The following SF3B1 variants were observed in gnomAD, a reference collection of about 807,000 sequenced individuals.
The protein encoded by SF3B1 is splicing factor 3b subunit 1, also known as pre-mRNA processing 10.
SF3B1 carries 12 observed loss-of-function variants against 153.8 expected under a neutral mutation model. The observed-to-expected ratio is 0.08, with a 90% CI of 0.05 to 0.13. The LOEUF (loss-of-function observed/expected upper bound fraction) is 0.13, where lower values mean the gene tolerates loss of function less well. Ranked by LOEUF, SF3B1 falls within the 10% of genes least tolerant of loss-of-function variation. The probability of loss-of-function intolerance (pLI) is 1.00; values close to 1 mark genes in which losing one functional copy is unlikely to be tolerated. For missense variants in SF3B1, 513 were observed against 1,606.1 expected, an observed-to-expected ratio of 0.32 and a Z score of 11.63; for synonymous variants, 498 against 525.2, an observed-to-expected ratio of 0.95 and a Z score of 0.71.
At chr2:197,415,981 ATTTTTTT>A (rs35479143) in intron 6 of SF3B1, among the ~76,000 whole-genome samples, 3 of 136,404 alleles carry the variant, frequency 2.2e-5, no homozygotes, top group East Asian at 2.1e-4. Context: ...TGCCCAGCTA[ATTTTTTT>A]TTTTTTTTTT....
chr2:197,413,954 C>T (rs2085109719), intron 6 of SF3B1, among the ~76,000 whole-genome samples: 1 of 151,126 alleles, frequency 6.6e-6, no homozygotes, highest in South Asian at 2.1e-4. Flanking sequence ...TTACAGGTGC[C>T]CGCCAACATG....
intron 11 of SF3B1, 76 bp from the exon 12 acceptor site, chr2:197,403,840 G>T: frequency 4.7e-6 from 5 of 1,066,724 alleles, no homozygotes; most frequent in Non-Finnish European, 6.7e-6. Context: ...ACTCAAAGAA[G>T]ATTTTCCATA....
intron 1 of SF3B1, among the ~76,000 whole-genome samples, chr2:197,432,818 AT>A (rs2085461552): frequency 6.6e-6 from 1 of 152,184 alleles, no homozygotes; most frequent in African/African-American, 2.4e-5. Flanking sequence ...GTGAGCCGAG[AT>A]TGCACCACTG....
chr2:197,434,118 A>G (rs1392286754), intron 1 of SF3B1, among the ~76,000 whole-genome samples: 1 of 152,224 alleles, frequency 6.6e-6, no homozygotes, highest in Non-Finnish European at 1.5e-5. Context: ...AAAGTGACTT[A>G]GAAGTCTCGT....
At chr2:197,425,061 A>T (rs1472137550) in intron 1 of SF3B1, among the ~76,000 whole-genome samples, 1 of 152,222 alleles carries the variant, frequency 6.6e-6, no homozygotes, top group African/African-American at 2.4e-5. Flanking sequence ...CAGGAGGCTG[A>T]GGCAGAACTG....
chr2:197,418,040 A>G (rs968507236), intron 5 of SF3B1, among the ~76,000 whole-genome samples: 1 of 151,802 alleles, frequency 6.6e-6, no homozygotes, highest in African/African-American at 2.4e-5. Context: ...GTTTGAGACC[A>G]GCCTGGCCAA....
At chr2:197,417,162 G>A (rs937204251) in intron 5 of SF3B1, among the ~76,000 whole-genome samples, 1 of 152,156 alleles carries the variant, frequency 6.6e-6, no homozygotes, top group Non-Finnish European at 1.5e-5. Flanking sequence ...TTATATACTG[G>A]AGGTGAAGTA....
At position 197,401,938 on chromosome 2, in the gene SF3B1, G is replaced by T. The variant is rs369358283; in HGVS notation, c.2223+47C>A. ...TACTTTAGTAATTTAGATTTATGTC[G>T]CCTTAACTTTAATGAAGATAAATCA... On this transcript the variant is annotated intron_variant, in intron 15 of 24. Coordinates refer to ENST00000335508, the MANE Select transcript of SF3B1 (RefSeq NM_012433.4). This position sits in a 1 kb window ranked among gnomAD's most constrained non-coding sequence, Gnocchi z 4.2. 1.3e-6 allele frequency: 2 copies of T among 1,595,148 alleles called. No individual in the cohort carries two copies.
chr2:197,425,383 A>G (rs2085317450), intron 1 of SF3B1, among the ~76,000 whole-genome samples: 1 of 152,068 alleles, frequency 6.6e-6, no homozygotes, highest in Non-Finnish European at 1.5e-5. Context: ...GGAGAATCAC[A>G]TGAACCCGGA....
In SF3B1 at chr2:197,402,523, A is replaced by C. The variant is rs760673135; in HGVS notation, c.2077+33T>G. 1.9e-6 allele frequency: 3 copies of C among 1,591,878 alleles called. No homozygotes were observed. The highest frequency in any genetic ancestry group is 2.6e-6 in the Non-Finnish European group (3 of 1,168,242). On this transcript the variant is annotated intron_variant, in intron 14 of 24. Transcript: ENST00000335508. The surrounding 1 kb of genome is among the most constrained non-coding windows in gnomAD (Gnocchi z 4.6). ...AGTAAGACCCTGTCTCCTAAAGAAAAAAAAAAAAAGACAAAGTTACATTAC... is the reference window on the plus strand; with the variant it reads ...AGTAAGACCCTGTCTCCTAAAGAAACAAAAAAAAAGACAAAGTTACATTAC...
At chr2:197,407,972 C>A in intron 9 of SF3B1, 26 bp downstream of exon 9, 3 of 1,598,736 alleles carry the variant, frequency 1.9e-6, no homozygotes, top group Non-Finnish European at 2.6e-6. Flanking sequence ...TCCTAAATAC[C>A]ACCTCATTCA....
At chr2:197,395,960 T>C (rs1461095299) in intron 23 of SF3B1, 96 bp downstream of exon 23, 10 of 1,086,880 alleles carry the variant, frequency 9.2e-6, no homozygotes, top group African/African-American at 7.9e-5. Flanking sequence ...TCTTTAACTA[T>C]GTTACAGTAA....
At position 197,392,576 on chromosome 2, in the gene SF3B1, G is replaced by GGC; in HGVS notation, c.3757-116_3757-115insGC. On this transcript the variant is annotated intron_variant, in intron 24 of 24. Transcript: ENST00000335508. ...ATTATTTCCCTTGGGGAGTTGGGGG[G>GGC]GGGGGAACCTACTAATTACACTGCT... 3.2e-5 allele frequency: 10 copies of GGC among 314,834 alleles called. 2 individuals carry two copies. Among genetic ancestry groups the GGC allele is most frequent in the South Asian group, 2.6e-4 (9 of 34,570 alleles). The allele number at this position is 314,834 out of a possible 1,614,324, so 19.5% of individuals were successfully genotyped here.
intron 1 of SF3B1, among the ~76,000 whole-genome samples, chr2:197,427,359 G>A (rs1342796251): frequency 1.3e-5 from 2 of 152,162 alleles, no homozygotes; most frequent in Non-Finnish European, 2.9e-5. Flanking sequence ...ACAGCTTAAT[G>A]GGCTTTGTTA....
chr2:197,418,913 T>C, intron 4 of SF3B1: 1 of 1,598,964 alleles, frequency 6.3e-7, no homozygotes. Context: ...TGCCTTTGTC[T>C]CCATCAGCAG....
chr2:197,412,774 T>C (rs35157131), intron 6 of SF3B1, among the ~76,000 whole-genome samples: 106,388 of 150,066 alleles, frequency 0.71, 38,392 homozygotes, highest in Middle Eastern at 0.87. Flanking sequence ...CACCTGAGGT[T>C]GGGAGTTTGA....
intron 7 of SF3B1, among the ~76,000 whole-genome samples, chr2:197,409,127 C>T (rs527245375): frequency 2.0e-5 from 3 of 152,178 alleles, no homozygotes; most frequent in Admixed American, 6.5e-5. Context: ...GGGCCGGAAG[C>T]GGTGGCTCAT....
Position 197,392,315 on chromosome 2 carries a change from G to A in SF3B1, c.3903C>T (p.Asp1301=), listed in dbSNP as rs2084818125. The A allele has an allele frequency of 6.0e-6, 7 of 1,158,662 alleles. No individual in the cohort carries two copies. Among genetic ancestry groups the A allele is most frequent in the Non-Finnish European group, 9.1e-6 (7 of 770,338 alleles). 71.8% of individuals were successfully genotyped at this position (1,158,662 alleles called of 1,614,324 possible). ...DKNTYIRYEL[D]YIL ...ATAAACAATAAAATTATAAGATATA[G>A]TCAAGTTCATAACGAATATAGGTGT... is the stretch of plus-strand genomic sequence containing the variant. The change falls in exon 25 of 25, where the codon GAC becomes GAT. Residue 1301 remains aspartate, a synonymous_variant. Coordinates refer to ENST00000335508, the MANE Select transcript of SF3B1 (RefSeq NM_012433.4).
rs2085043203 is a variant in SF3B1, at chr2:197,409,880, G to A, written c.794C>T (p.Ala265Val). ...DPTPSHTPAG[A>V]ATPGRGDTPG... Reference sequence around the variant, plus strand: ...TGTATCACCTCGTCCAGGAGTAGCAGCTCCCGCTGGTGTGTGGCTAGGTGT... The same window carrying A: ...TGTATCACCTCGTCCAGGAGTAGCAACTCCCGCTGGTGTGTGGCTAGGTGT... The change falls in exon 7 of 25, where the codon GCT becomes GTT. Residue 265 changes from alanine to valine, a missense_variant. Ala to Val is a moderately conservative substitution (Grantham distance 64). Coordinates refer to ENST00000335508, the MANE Select transcript of SF3B1 (RefSeq NM_012433.4). 2 of 1,614,170 alleles carry A rather than the reference G, an allele frequency of 1.2e-6. No homozygotes were observed. The highest frequency in any genetic ancestry group is 1.7e-6 in the Non-Finnish European group (2 of 1,180,026).
Sources: gnomAD v4.1 joint callset for allele counts (sites outside exome capture counted in the v4.1 genomes callset) on GRCh38, gnomAD v4.1.1 for gene constraint, Gnocchi (gnomAD v3.1) non-coding constraint, MANE v1.5 for transcripts, NCBI Gene and HGNC (gene_info 2026-07-23, HGNC 2026-07-21) for gene names.